Variants in ABI3BP observed in about 807,000 individuals in gnomAD.
ABI3BP encodes the protein target of Nesh-SH3.
A neutral mutation model predicts 268.6 loss-of-function variants in ABI3BP; 216 were observed. The observed-to-expected ratio is 0.80, with a 90% confidence interval of 0.72 to 0.90. ABI3BP has a LOEUF of 0.90. ABI3BP is among the 40% of genes least tolerant of loss of function. The pLI, the probability that ABI3BP is intolerant of heterozygous loss-of-function variation, is 0.00. For synonymous variants in ABI3BP, 730 were observed against 730.0 expected (o/e 1.00, Z 0.00); for missense variants, 2,090 against 2,182.4 (o/e 0.96, Z 0.84).
At chr3:100,878,590 G>T (rs2099188347) in intron 6 of ABI3BP, among the ~76,000 whole-genome samples, 1 of 152,188 alleles carries the variant, frequency 6.6e-6, no homozygotes, top group East Asian at 1.9e-4. Context: ...AACTTTCAGT[G>T]GGGGATAAAA....
intron 3 of ABI3BP, 58 bp downstream of exon 3, chr3:100,902,560 T>A: frequency 1.3e-6 from 2 of 1,541,638 alleles, no homozygotes; most frequent in East Asian, 4.5e-5. Context: ...CCAAAAGAGA[T>A]GAAAAGTCAT....
chr3:100,869,290 A>G (rs1226344702), intron 9 of ABI3BP, among the ~76,000 whole-genome samples: 1 of 130,434 alleles, frequency 7.7e-6, no homozygotes, highest in Non-Finnish European at 1.6e-5. Context: ...TATATTACTA[A>G]CTCATTTTAC....
chr3:100,793,410 TTTTTG>T (rs2097255749), intron 54 of ABI3BP, among the ~76,000 whole-genome samples: 1 of 152,028 alleles, frequency 6.6e-6, no homozygotes, highest in South Asian at 2.1e-4. Flanking sequence ...CACTGCTATC[TTTTTG>T]TTTTCTGTCC....
chr3:100,919,841 A>G (rs1008655413), intron 2 of ABI3BP, among the ~76,000 whole-genome samples: 1 of 152,154 alleles, frequency 6.6e-6, no homozygotes, highest in African/African-American at 2.4e-5. Flanking sequence ...TATATTTTTG[A>G]GGGAGTCACC....
chr3:100,934,746 T>G (rs1198411569), intron 1 of ABI3BP, among the ~76,000 whole-genome samples: 1 of 156 alleles, frequency 6.4e-3, no homozygotes, highest in Non-Finnish European at 0.017. Flanking sequence ...ATGATGAGCT[T>G]TTTTTTCATA....
chr3:100,928,127 A>G (rs2062427699), intron 1 of ABI3BP, among the ~76,000 whole-genome samples: 2 of 152,136 alleles, frequency 1.3e-5, no homozygotes, highest in Admixed American at 1.3e-4. Flanking sequence ...GTTATGTAAT[A>G]TATAATCTTG....
chr3:100,834,088 A>G (rs2098538733), intron 29 of ABI3BP, among the ~76,000 whole-genome samples: 1 of 152,054 alleles, frequency 6.6e-6, no homozygotes, highest in Non-Finnish European at 1.5e-5. Context: ...CTCCCACCTC[A>G]TTCACCCAAG....
At chr3:100,754,229 C>A (rs2149302990) in intron 64 of ABI3BP, among the ~76,000 whole-genome samples, 1 of 152,302 alleles carries the variant, frequency 6.6e-6, no homozygotes, top group African/African-American at 2.4e-5. Flanking sequence ...GCTGTATGTG[C>A]AGATGTATCT....
At chr3:100,840,001 T>C in intron 23 of ABI3BP, 71 bp downstream of exon 23, 2 of 1,310,814 alleles carry the variant, frequency 1.5e-6, no homozygotes, top group South Asian at 2.5e-5. Context: ...GTTGCTCAAG[T>C]AGCTGATATC....
intron 7 of ABI3BP, among the ~76,000 whole-genome samples, chr3:100,875,870 A>G (rs2099156779): frequency 6.6e-6 from 1 of 152,122 alleles, no homozygotes; most frequent in Non-Finnish European, 1.5e-5. Context: ...TTTTCCCCAA[A>G]TCAATCAGTA....
rs1350225366 is a variant in ABI3BP, at chr3:100,886,266, G to T, written c.519C>A (p.Ile173=). The change falls in exon 5 of 68, where the codon ATC becomes ATA. Residue 173 remains isoleucine, a synonymous_variant. Transcript: ENST00000471714. ...KDKEKKWIFQ[I]CPATETIVEN... ...CCACAATTGTTTCAGTGGCTGGACA[G>T]ATTTGAAAAATCCACTTCTTTTCTT... is the stretch of plus-strand genomic sequence containing the variant. 1.2e-6 allele frequency: 2 copies of T among 1,609,400 alleles called. No individual in the cohort carries two copies. The highest frequency in any genetic ancestry group is 1.7e-6 in the Non-Finnish European group (2 of 1,177,530).
At chr3:100,895,268 C>T (rs1470828072) in intron 4 of ABI3BP, among the ~76,000 whole-genome samples, 1 of 152,002 alleles carries the variant, frequency 6.6e-6, no homozygotes, top group East Asian at 1.9e-4. Context: ...GTAAATGAAG[C>T]ACATCTGCTC....
chr3:100,901,049 G>C (rs927325772), intron 3 of ABI3BP, among the ~76,000 whole-genome samples: 2 of 152,128 alleles, frequency 1.3e-5, no homozygotes, highest in Non-Finnish European at 2.9e-5. Flanking sequence ...TTGAGTTTGT[G>C]GCTCAATATT....
At chr3:100,816,594 C>T (rs954404318) in intron 43 of ABI3BP, 94 bp downstream of exon 43, 90 of 987,240 alleles carry the variant, frequency 9.1e-5, no homozygotes, top group Non-Finnish European at 1.3e-4. Context: ...ATGACTGTTA[C>T]TTCCCGTCAT....
chr3:100,805,554 G>T (rs1173734674), intron 50 of ABI3BP, among the ~76,000 whole-genome samples: 1 of 152,002 alleles, frequency 6.6e-6, no homozygotes, highest in African/African-American at 2.4e-5. Flanking sequence ...TACACCCTTT[G>T]AGTCTCACCA....
intron 9 of ABI3BP, among the ~76,000 whole-genome samples, chr3:100,868,281 G>T (rs2099074454): frequency 6.6e-6 from 1 of 152,046 alleles, no homozygotes; most frequent in Non-Finnish European, 1.5e-5. Flanking sequence ...AGTATTCTTG[G>T]CTTCTACCCA....
intron 1 of ABI3BP, among the ~76,000 whole-genome samples, chr3:100,957,736 G>T (rs1274715782): frequency 6.6e-6 from 1 of 152,216 alleles, no homozygotes; most frequent in Admixed American, 6.5e-5. Flanking sequence ...TAAGCTACTT[G>T]CTAAGGGAGA....
chr3:100,954,178 T>A (rs573217967), intron 1 of ABI3BP, among the ~76,000 whole-genome samples: 1 of 152,230 alleles, frequency 6.6e-6, no homozygotes, highest in African/African-American at 2.4e-5. Flanking sequence ...TTTTAATTAT[T>A]TAGAAATAAT....
At chr3:100,983,346 T>C (rs2090459285) in intron 1 of ABI3BP, among the ~76,000 whole-genome samples, 1 of 152,212 alleles carries the variant, frequency 6.6e-6, no homozygotes, top group Admixed American at 6.5e-5. Context: ...AGCTGGAATA[T>C]ATAAATGTGC....
Sources: allele counts gnomAD v4.1 joint callset (sites outside exome capture counted in the v4.1 genomes callset), GRCh38; gene constraint gnomAD v4.1.1; transcripts MANE v1.5; gene names NCBI Gene and HGNC (gene_info 2026-07-23, HGNC 2026-07-21).